Variants in MAP3K6 observed in about 807,000 individuals in gnomAD.
MAP3K6 encodes apoptosis signal-regulating kinase 2.
In MAP3K6, 105 loss-of-function variants were observed where a neutral mutation model predicts 147.1. That is an observed-to-expected ratio of 0.71 (90% CI 0.61 to 0.84). MAP3K6 has a LOEUF of 0.84. Among genes scored for constraint, MAP3K6 ranks in the 40% least tolerant of loss-of-function variants. MAP3K6 has a pLI of 0.00. For missense variants in MAP3K6, 1,569 were observed against 1,715.0 expected (o/e 0.91, Z 1.50); for synonymous variants, 695 against 732.4 (o/e 0.95, Z 0.82).
At chr1:27,362,528 C>G in intron 8 of MAP3K6, 113 bp downstream of exon 8, 1 of 905,048 alleles carries the variant, frequency 1.1e-6, no homozygotes, top group Non-Finnish European at 1.7e-6. Flanking sequence ...CAGGACAGTC[C>G]AAAATGGATG....
chr1:27,356,967 C>T, intron 24 of MAP3K6, 42 bp downstream of exon 24: 1 of 1,585,592 alleles, frequency 6.3e-7, no homozygotes. Context: ...CAGCAAGCAC[C>T]ACACCCTCGC....
At position 27,360,438 on chromosome 1, in the gene MAP3K6, C is replaced by T. The variant is rs886757465; in HGVS notation, c.2055-70G>A. 1 of 1,524,450 alleles carries T rather than the reference C, an allele frequency of 6.6e-7. No individual in the cohort carries two copies. Among genetic ancestry groups the T allele is most frequent in the Non-Finnish European group, 8.8e-7 (1 of 1,132,066 alleles). The allele number at this position is 1,524,450 out of a possible 1,614,324, so 94.4% of individuals were successfully genotyped here. ...AGAAGCCCCGCCCATCCCACGCCAG[C>T]CTGGCCCCGCCCCAAGGACCCGCCC... On this transcript the variant is annotated intron_variant, in intron 15 of 28. Transcript: ENST00000357582. The surrounding 1 kb of genome is among the most constrained non-coding windows in gnomAD (Gnocchi z 4.5).
Position 27,364,512 on chromosome 1 carries a change from C to T in MAP3K6, c.505-118G>A, listed in dbSNP as rs2015906113. 8 of 1,534,052 alleles carry T rather than the reference C, an allele frequency of 5.2e-6. No homozygotes were observed. Among genetic ancestry groups the T allele is most frequent in the South Asian group, 3.4e-5 (3 of 88,804 alleles). ...ATTGGAATCGCAGGAAAGGGGCACC[C>T]GTCATGAGAGGAGGCAACAGGAAAC... On this transcript the variant is annotated intron_variant, in intron 3 of 28. Coordinates refer to ENST00000357582, the MANE Select transcript of MAP3K6 (RefSeq NM_004672.5). The surrounding 1 kb of genome is among the most constrained non-coding windows in gnomAD (Gnocchi z 4.4).
Position 27,356,017 on chromosome 1 carries a change from C to T in MAP3K6, c.3711+9G>A. The T allele has an allele frequency of 6.2e-7, 1 of 1,613,764 alleles. No individual in the cohort carries two copies. The highest frequency in any genetic ancestry group is 8.5e-7 in the Non-Finnish European group (1 of 1,179,684). On this transcript the variant is annotated intron_variant, in intron 27 of 28. Coordinates refer to ENST00000357582, the MANE Select transcript of MAP3K6 (RefSeq NM_004672.5). ...GAGGTCAGGGATAGCCAAGCACTCC[C>T]CGACTCACCATTTGGATGGTGCCTG...
Position 27,355,672 on chromosome 1 carries a change from A to C in MAP3K6, c.3785T>G (p.Ile1262Ser). Residue 1262 changes from isoleucine to serine, a missense_variant, in exon 28 of 29, where the codon ATC (isoleucine) becomes AGC (serine). By Grantham distance (142) the Ile-to-Ser change is moderately radical. Coordinates refer to ENST00000357582, the MANE Select transcript of MAP3K6 (RefSeq NM_004672.5). ...ACTTGGGGGGCCCAGGATGTACCTG[A>C]TGCGGGTGTAGATGAGGTCATCTCG... ...ATRDDLIYTR[I>S]RGGMVCRIWR... 6.2e-7 allele frequency: 1 copy of C among 1,613,660 alleles called. No individual in the cohort carries two copies. Among genetic ancestry groups the C allele is most frequent in the Non-Finnish European group, 8.5e-7 (1 of 1,180,014 alleles).
Position 27,366,014 on chromosome 1 carries a change from C to T in MAP3K6, c.340+244G>A, listed in dbSNP as rs2015966550. Among the ~76,000 whole-genome samples, 1 of 151,352 alleles carries T rather than the reference C, an allele frequency of 6.6e-6. No homozygotes were observed. The highest frequency in any genetic ancestry group is 2.1e-4 in the South Asian group (1 of 4,810). On this transcript the variant is annotated intron_variant, in intron 1 of 28. Coordinates refer to ENST00000357582, the MANE Select transcript of MAP3K6 (RefSeq NM_004672.5). This position sits in a 1 kb window ranked among gnomAD's most constrained non-coding sequence, Gnocchi z 5.5. Reference sequence around the variant, plus strand: ...CCGCTCCGACTGAAGGGTGCCTAAGCCCCAACCTCGAGCCCTAGAGCCGCG... The same window carrying T: ...CCGCTCCGACTGAAGGGTGCCTAAGTCCCAACCTCGAGCCCTAGAGCCGCG...
chr1:27,356,564 C>T (rs375460316), intron 25 of MAP3K6, 26 bp downstream of exon 25: 2 of 1,611,712 alleles, frequency 1.2e-6, no homozygotes, highest in Non-Finnish European at 1.7e-6. Flanking sequence ...CCGGCAGAGG[C>T]TATGAGCGAT....
rs756125100 is a variant in MAP3K6, at chr1:27,358,859, C to A, written c.2433G>T (p.Leu811=). The change falls in exon 19 of 29, where the codon CTG becomes CTT. Residue 811 remains leucine, a synonymous_variant. Coordinates refer to ENST00000357582, the MANE Select transcript of MAP3K6 (RefSeq NM_004672.5). The surrounding 1 kb of genome is among the most constrained non-coding windows in gnomAD (Gnocchi z 6.2). Reference sequence around the variant, plus strand: ...CAATGATTTCTGGGGCCATATACTGCAGAGTTCCTAGGACAGAAACAGGAG... The same window carrying A: ...CAATGATTTCTGGGGCCATATACTGAAGAGTTCCTAGGACAGAAACAGGAG... ...TPCTETFTGT[L]QYMAPEIIDQ... is the part of the protein sequence containing the mutation. The A allele has an allele frequency of 1.3e-5, 20 of 1,577,412 alleles. No individual in the cohort carries two copies. The highest frequency in any genetic ancestry group is 1.6e-5 in the Non-Finnish European group (19 of 1,161,218).
At position 27,360,263 on chromosome 1, in the gene MAP3K6, G is replaced by T; in HGVS notation, c.2160C>A (p.Ile720=). ...TACCTCCAGGCACTTCCTCCATGAA[G>T]ATCTTAAGGTAGCCGCCCTGGCTAG... ...GSASQGGYLK[I]FMEEVPGGSL... is the part of the protein sequence containing the mutation. Residue 720 remains isoleucine, a synonymous_variant, in exon 16 of 29, where the codon ATC becomes ATA. Transcript: ENST00000357582. This position sits in a 1 kb window ranked among gnomAD's most constrained non-coding sequence, Gnocchi z 4.5. 1 of 1,614,112 alleles carries T rather than the reference G, an allele frequency of 6.2e-7. No homozygotes were observed. The highest frequency in any genetic ancestry group is 8.5e-7 in the Non-Finnish European group (1 of 1,179,990).
In MAP3K6 at chr1:27,366,272, G is replaced by C; in HGVS notation, c.326C>G (p.Ala109Gly). 7.5e-7 allele frequency: 1 copy of C among 1,336,416 alleles called. No homozygotes were observed. The highest frequency in any genetic ancestry group is 9.6e-7 in the Non-Finnish European group (1 of 1,044,734). 82.8% of individuals were successfully genotyped at this position (1,336,416 alleles called of 1,614,324 possible). A position where few individuals can be genotyped will look rare whatever the true frequency, so the allele number is the denominator to read the frequency against. ...LELGDTAALD[A>G]FYNADVVVLE... Reference sequence around the variant, plus strand: ...AGCGCTCTCACCCGCGTTGTAGAAGGCATCCAGAGCCGCGGTGTCGCCTAG... The same window carrying C: ...AGCGCTCTCACCCGCGTTGTAGAAGCCATCCAGAGCCGCGGTGTCGCCTAG... Residue 109 changes from alanine to glycine, a missense_variant, in exon 1 of 29, where the codon GCC (alanine) becomes GGC (glycine). Physicochemically the swap from Ala to Gly is moderately conservative, Grantham distance 60. Coordinates refer to ENST00000357582, the MANE Select transcript of MAP3K6 (RefSeq NM_004672.5). This position sits in a 1 kb window ranked among gnomAD's most constrained non-coding sequence, Gnocchi z 5.5.
Position 27,358,508 on chromosome 1 carries a change from C to T in MAP3K6, c.2687G>A (p.Ser896Asn). 1 of 1,605,448 alleles carries T rather than the reference C, an allele frequency of 6.2e-7. No individual in the cohort carries two copies. The highest frequency in any genetic ancestry group is 8.5e-7 in the Non-Finnish European group (1 of 1,177,510). The change falls in exon 20 of 29, where the codon AGC (serine) becomes AAC (asparagine). Residue 896 changes from serine to asparagine, a missense_variant. Physicochemically the swap from Ser to Asn is conservative, Grantham distance 46. Transcript: ENST00000357582. The surrounding 1 kb of genome is among the most constrained non-coding windows in gnomAD (Gnocchi z 6.2). ...GGGGTCCCCCAGCAGTGTCTGGGCGCTGGCTCGGAGGCGGGGGTCTGGCTC... is the reference window on the plus strand; with the variant it reads ...GGGGTCCCCCAGCAGTGTCTGGGCGTTGGCTCGGAGGCGGGGGTCTGGCTC... ...TFEPDPRLRA[S>N]AQTLLGDPFL...
At chr1:27,365,345 G>A (rs139672588) in intron 1 of MAP3K6, among the ~76,000 whole-genome samples, 29 of 152,326 alleles carry the variant, frequency 1.9e-4, no homozygotes, top group African/African-American at 6.7e-4. Context: ...TCTGTGACAT[G>A]TATAGCTTAC....
At position 27,362,859 on chromosome 1, in the gene MAP3K6, G is replaced by A; in HGVS notation, c.1134C>T (p.Ala378=). ...GFQDAGHREQ[A]YHWYRKAFDV... is the part of the protein sequence containing the mutation. ...CTCACTGTGCTCTTTACCAGTGATAGGCCTGCTCCCGGTGCCCAGCATCCT... is the reference window on the plus strand; with the variant it reads ...CTCACTGTGCTCTTTACCAGTGATAAGCCTGCTCCCGGTGCCCAGCATCCT... The change falls in exon 7 of 29, where the codon GCC becomes GCT. Residue 378 remains alanine, a synonymous_variant. Transcript: ENST00000357582. The A allele has an allele frequency of 6.2e-7, 1 of 1,613,940 alleles. No homozygotes were observed. The highest frequency in any genetic ancestry group is 8.5e-7 in the Non-Finnish European group (1 of 1,179,962).
chr1:27,362,568 C>T, intron 8 of MAP3K6, 73 bp downstream of exon 8: 1 of 1,191,034 alleles, frequency 8.4e-7, no homozygotes, highest in African/African-American at 1.5e-5. Context: ...CCAGTGTGCT[C>T]TCTCCCTGCC....
chr1:27,355,875 T>A, intron 27 of MAP3K6, 130 bp from the exon 28 acceptor site: 2 of 1,143,196 alleles, frequency 1.7e-6, no homozygotes, highest in South Asian at 2.7e-5. Flanking sequence ...GGCCTCAGTT[T>A]TCTCATCCAT....
intron 1 of MAP3K6, among the ~76,000 whole-genome samples, chr1:27,365,346 T>C (rs1447764769): frequency 6.6e-6 from 1 of 152,368 alleles, no homozygotes; most frequent in East Asian, 1.9e-4. Flanking sequence ...CTGTGACATG[T>C]ATAGCTTACT....
Position 27,356,387 on chromosome 1 carries a change from C to A in MAP3K6, c.3637+1G>T. The A allele has an allele frequency of 6.2e-7, 1 of 1,604,616 alleles. No individual in the cohort carries two copies. Among genetic ancestry groups the A allele is most frequent in the Non-Finnish European group, 8.5e-7 (1 of 1,175,870 alleles). ...ATGTTCTCCAGCCAAGGCCCACTCA[C>A]TTGGAGGCTCTGGGGCCAGGACATA... On this transcript the variant is annotated splice_donor_variant, in intron 26 of 28. Transcript: ENST00000357582. LOFTEE classifies it high-confidence loss of function.
Position 27,360,877 on chromosome 1 carries a change from C to G in MAP3K6, c.1921-39G>C. On this transcript the variant is annotated intron_variant, in intron 14 of 28. Coordinates refer to ENST00000357582, the MANE Select transcript of MAP3K6 (RefSeq NM_004672.5). The surrounding 1 kb of genome is among the most constrained non-coding windows in gnomAD (Gnocchi z 4.5). ...GGTGAGATGGGAGTTCAGCAGGGCC[C>G]GCGGCCCCTCGCCCTCCGCGAGCTC... The G allele has an allele frequency of 1.9e-6, 3 of 1,609,870 alleles. No homozygotes were observed. Among genetic ancestry groups the G allele is most frequent in the Non-Finnish European group, 2.5e-6 (3 of 1,178,200 alleles).
rs1276011343 is a variant in MAP3K6, at chr1:27,357,553, A to G, written c.3105T>C (p.His1035=). ...QEQGARLGRN[H]VEELLRCLGA... ...CGAGGCAGCGCAGCAGCTCTTCCAC[A>G]TGGTTTCTGCCCAGACGGGCCCCCT... Residue 1035 remains histidine, a synonymous_variant, in exon 23 of 29, where the codon CAT becomes CAC. Transcript: ENST00000357582. 1 of 1,612,086 alleles carries G rather than the reference A, an allele frequency of 6.2e-7. No individual in the cohort carries two copies. The highest frequency in any genetic ancestry group is 1.3e-5 in the African/African-American group (1 of 75,010).
Sources: allele counts gnomAD v4.1 joint callset (sites outside exome capture counted in the v4.1 genomes callset), GRCh38; gene constraint gnomAD v4.1.1; non-coding constraint Gnocchi (gnomAD v3.1); transcripts MANE v1.5; gene names NCBI Gene and HGNC (gene_info 2026-07-23, HGNC 2026-07-21).